SPAG16: variants seen among roughly 807,000 people sequenced by gnomAD.
SPAG16 encodes sperm-associated antigen 16 protein.
A neutral mutation model predicts 80.4 loss-of-function variants in SPAG16; 86 were observed. The observed-to-expected ratio is 1.07, with a 90% CI of 0.90 to 1.28. SPAG16 has a LOEUF of 1.28. Ranked by LOEUF, SPAG16 falls within the 50% of genes most tolerant of loss-of-function variation. The pLI is 0.00. For missense variants in SPAG16, 870 were observed against 765.3 expected, an observed-to-expected ratio of 1.14 and a Z score of -1.61; for synonymous variants, 294 against 265.9, an observed-to-expected ratio of 1.11 and a Z score of -1.03.
chr2:214,214,959 C>A (rs1180350037), intron 15 of SPAG16, among the ~76,000 whole-genome samples: 1 of 151,650 alleles, frequency 6.6e-6, no homozygotes, highest in Non-Finnish European at 1.5e-5. Flanking sequence ...TATGGCAAAT[C>A]TGCCTTTAAA....
At chr2:213,698,042 T>A (rs993077532) in intron 10 of SPAG16, among the ~76,000 whole-genome samples, 1 of 152,178 alleles carries the variant, frequency 6.6e-6, no homozygotes, top group African/African-American at 2.4e-5. Flanking sequence ...CTCTTATTCT[T>A]AATTCCAGTA....
At position 214,245,263 on chromosome 2, in the gene SPAG16, G is replaced by A. The variant is rs188763850; in HGVS notation, c.1720+95997G>A. ...GCTTTTAATATCCACGCTATTCCCG[G>A]CATATTTTTCCACCCTATATGCTGC... On this transcript the variant is annotated intron_variant, in intron 15 of 15. Coordinates refer to ENST00000331683, the MANE Select transcript of SPAG16 (RefSeq NM_024532.5). Among the ~76,000 whole-genome samples, 27 of 152,066 alleles carry A rather than the reference G, an allele frequency of 1.8e-4. No homozygotes were observed. The East Asian group carries it at 5.2e-3, about 29-fold the overall frequency.
At chr2:213,500,710 G>A (rs1437754460) in intron 10 of SPAG16, among the ~76,000 whole-genome samples, 1 of 152,180 alleles carries the variant, frequency 6.6e-6, no homozygotes, top group East Asian at 1.9e-4. Flanking sequence ...CTTAGAGTGG[G>A]GTGGTAGGTA....
At chr2:213,896,086 T>C (rs1027336302) in intron 11 of SPAG16, among the ~76,000 whole-genome samples, 11 of 151,930 alleles carry the variant, frequency 7.2e-5, no homozygotes, top group Non-Finnish European at 1.0e-4. Context: ...TATAAGGAGC[T>C]CAAACAACTC....
chr2:213,567,337 G>T (rs1327264061), intron 10 of SPAG16, among the ~76,000 whole-genome samples: 2 of 123,116 alleles, frequency 1.6e-5, no homozygotes, highest in African/African-American at 3.2e-5. Context: ...ACCCACTAAT[G>T]TGTCATCTAG....
intron 15 of SPAG16, among the ~76,000 whole-genome samples, chr2:214,256,338 T>C (rs1690681587): frequency 6.6e-6 from 1 of 151,932 alleles, no homozygotes; most frequent in Non-Finnish European, 1.5e-5. Context: ...TTATTTATTG[T>C]AGACATCAGT....
chr2:214,177,486 C>A (rs921572962), intron 15 of SPAG16, among the ~76,000 whole-genome samples: 1 of 151,010 alleles, frequency 6.6e-6, no homozygotes, highest in African/African-American at 2.4e-5. Flanking sequence ...CTGCTTCTGC[C>A]TGGCAAACCC....
At chr2:213,894,987 C>CAAAA (rs71063793) in intron 11 of SPAG16, among the ~76,000 whole-genome samples, 2 of 49,304 alleles carry the variant, frequency 4.1e-5, no homozygotes, top group Admixed American at 3.3e-4. Context: ...GGCTCCATCT[C>CAAAA]AAAAAAAAAA....
chr2:214,211,680 C>T (rs753969795), intron 15 of SPAG16, among the ~76,000 whole-genome samples: 32 of 152,160 alleles, frequency 2.1e-4, no homozygotes, highest in Non-Finnish European at 4.1e-4. Context: ...GCCACAGGCT[C>T]CTATCTCCCT....
At chr2:214,223,435 G>C (rs888863996) in intron 15 of SPAG16, among the ~76,000 whole-genome samples, 2 of 151,244 alleles carry the variant, frequency 1.3e-5, no homozygotes, top group African/African-American at 4.9e-5. Flanking sequence ...AAATCAAATT[G>C]GTAAAAATAA....
intron 10 of SPAG16, among the ~76,000 whole-genome samples, chr2:213,704,964 T>A (rs1331052605): frequency 6.6e-6 from 1 of 151,556 alleles, no homozygotes; most frequent in African/African-American, 2.4e-5. Context: ...AAAAAAAAAA[T>A]TAAATAGGCT....
chr2:214,284,479 G>T (rs1164813387), intron 15 of SPAG16, among the ~76,000 whole-genome samples: 2 of 152,048 alleles, frequency 1.3e-5, no homozygotes, highest in African/African-American at 4.8e-5. Flanking sequence ...CACCCTACTG[G>T]TGGTGCATCT....
chr2:214,257,705 A>G (rs867550380), intron 15 of SPAG16, among the ~76,000 whole-genome samples: 18 of 152,246 alleles, frequency 1.2e-4, no homozygotes, highest in South Asian at 6.2e-4. Context: ...ATCATGATGC[A>G]TTGTTCTTTT....
At chr2:213,592,326 C>G (rs751673682) in intron 10 of SPAG16, among the ~76,000 whole-genome samples, 3 of 152,058 alleles carry the variant, frequency 2.0e-5, no homozygotes, top group African/African-American at 7.2e-5. Context: ...TTGAATCGCT[C>G]TAGTGTTTAT....
chr2:213,984,414 C>T (rs561434061), intron 12 of SPAG16, among the ~76,000 whole-genome samples: 2 of 152,208 alleles, frequency 1.3e-5, no homozygotes, highest in Admixed American at 6.6e-5. Context: ...CTTCTCTGTG[C>T]TCTTCAAACT....
chr2:213,587,332 T>A (rs2060508363), intron 10 of SPAG16, among the ~76,000 whole-genome samples: 1 of 152,172 alleles, frequency 6.6e-6, no homozygotes, highest in Non-Finnish European at 1.5e-5. Context: ...TTGGGTCAGC[T>A]GGAGCCATAC....
intron 10 of SPAG16, among the ~76,000 whole-genome samples, chr2:213,556,330 A>T (rs1005086184): frequency 6.6e-6 from 1 of 150,932 alleles, no homozygotes; most frequent in South Asian, 2.1e-4. Context: ...AAAAAAAACA[A>T]GATCTAACTA....
intron 10 of SPAG16, among the ~76,000 whole-genome samples, chr2:213,535,401 G>T (rs1054132817): frequency 6.6e-6 from 1 of 151,992 alleles, no homozygotes; most frequent in Admixed American, 6.6e-5. Flanking sequence ...ATATAAAAAA[G>T]ACACAAATTC....
chr2:213,673,560 C>T (rs545744999), intron 10 of SPAG16, among the ~76,000 whole-genome samples: 1 of 151,958 alleles, frequency 6.6e-6, no homozygotes, highest in African/African-American at 2.4e-5. Context: ...ACCATTGAGT[C>T]AAGGGAAAAA....
Sources: gnomAD v4.1 joint callset for allele counts (sites outside exome capture counted in the v4.1 genomes callset) on GRCh38, gnomAD v4.1.1 for gene constraint, MANE v1.5 for transcripts, NCBI Gene and HGNC (gene_info 2026-07-23, HGNC 2026-07-21) for gene names.